SYNJ2BP: variants seen among roughly 807,000 people sequenced by gnomAD.
The protein encoded by SYNJ2BP is synaptojanin 2 binding protein.
In SYNJ2BP, 10 loss-of-function variants were observed where a neutral mutation model predicts 16.9. The ratio of observed to expected loss-of-function variants is 0.59; its 90% CI spans 0.36 to 1.00. SYNJ2BP has a LOEUF of 1.00. Among genes scored for constraint, SYNJ2BP ranks in the 50% least tolerant of loss-of-function variants. SYNJ2BP has a pLI of 0.01. For synonymous variants in SYNJ2BP, 54 were observed against 68.4 expected (o/e 0.79, Z 1.04); for missense variants, 162 against 186.7 (o/e 0.87, Z 0.77).
intron 2 of SYNJ2BP, among the ~76,000 whole-genome samples, chr14:70,381,324 C>T (rs78414931): frequency 0.022 from 3,381 of 152,266 alleles, 108 homozygotes; most frequent in African/African-American, 0.076. Flanking sequence ...ATTTAAGAGA[C>T]GTTATTCTAA....
intron 1 of SYNJ2BP, among the ~76,000 whole-genome samples, chr14:70,402,697 T>C (rs1888266369): frequency 6.6e-6 from 1 of 151,622 alleles, no homozygotes; most frequent in Non-Finnish European, 1.5e-5. Context: ...ATTTTTAAAA[T>C]ATATATCTAT....
At chr14:70,398,300 G>C (rs1046751219) in intron 1 of SYNJ2BP, among the ~76,000 whole-genome samples, 23 of 152,144 alleles carry the variant, frequency 1.5e-4, no homozygotes, top group Non-Finnish European at 5.9e-5. Context: ...GGCCCACCTT[G>C]GCCTGAAGGT....
chr14:70,416,497 GCATT>G (rs1414405172), intron 1 of SYNJ2BP, among the ~76,000 whole-genome samples: 1 of 151,934 alleles, frequency 6.6e-6, no homozygotes, highest in Non-Finnish European at 1.5e-5. Context: ...AAACGGCTAT[GCATT>G]CAGAGTCCAC....
intron 1 of SYNJ2BP, among the ~76,000 whole-genome samples, chr14:70,404,206 C>T (rs1029431414): frequency 5.9e-5 from 9 of 151,736 alleles, no homozygotes; most frequent in Admixed American, 3.9e-4. Flanking sequence ...CATGGTGGTG[C>T]ACTACTGTAG....
At chr14:70,397,724 G>A (rs1462466805) in intron 1 of SYNJ2BP, among the ~76,000 whole-genome samples, 6 of 152,238 alleles carry the variant, frequency 3.9e-5, no homozygotes, top group Non-Finnish European at 5.9e-5. Context: ...AAGGGTTGCA[G>A]CTCTTCTCTC....
intron 2 of SYNJ2BP, among the ~76,000 whole-genome samples, chr14:70,378,634 T>C (rs1292999085): frequency 6.6e-6 from 1 of 152,082 alleles, no homozygotes; most frequent in Non-Finnish European, 1.5e-5. Context: ...CTCTCTGCTG[T>C]CAACTTTCAT....
At chr14:70,374,597 G>T (rs754639161) in intron 3 of SYNJ2BP, among the ~76,000 whole-genome samples, 6 of 152,046 alleles carry the variant, frequency 3.9e-5, no homozygotes, top group Non-Finnish European at 5.9e-5. Context: ...TAAAACACTT[G>T]GAAATAAGAA....
At chr14:70,396,662 A>C (rs938376804) in intron 1 of SYNJ2BP, among the ~76,000 whole-genome samples, 3 of 151,658 alleles carry the variant, frequency 2.0e-5, no homozygotes, top group African/African-American at 7.3e-5. Context: ...GTATGTATGT[A>C]AAATAGTCAT....
At chr14:70,391,531 C>G (rs1221047507) in intron 1 of SYNJ2BP, among the ~76,000 whole-genome samples, 3 of 152,166 alleles carry the variant, frequency 2.0e-5, no homozygotes, top group African/African-American at 7.2e-5. Flanking sequence ...ACAAGGGGGC[C>G]AAGGCCAACC....
chr14:70,371,111 G>C lies in SYNJ2BP; in HGVS notation c.*1880C>G, dbSNP rs371789738. 6.6e-6 allele frequency: 1 copy of C among 152,098 alleles called. No individual in the cohort carries two copies. Among genetic ancestry groups the C allele is most frequent in the Non-Finnish European group, 1.5e-5 (1 of 68,028 alleles). The allele number at this position is 152,098 out of a possible 1,614,324, so 9.4% of individuals were successfully genotyped here. A position where few individuals can be genotyped will look rare whatever the true frequency, so the allele number is the denominator to read the frequency against. Reference sequence around the variant, plus strand: ...AATCTTGCTAACAAAATTATAAAAGGCCTATAGTATGGCCAATATATTTGG... The same window carrying C: ...AATCTTGCTAACAAAATTATAAAAGCCCTATAGTATGGCCAATATATTTGG... On this transcript the variant is annotated 3_prime_UTR_variant, in exon 4 of 4. Coordinates refer to ENST00000256366, the MANE Select transcript of SYNJ2BP (RefSeq NM_018373.3).
At chr14:70,405,675 T>C (rs1888330941) in intron 1 of SYNJ2BP, among the ~76,000 whole-genome samples, 1 of 152,152 alleles carries the variant, frequency 6.6e-6, no homozygotes, top group African/African-American at 2.4e-5. Context: ...TCAAAGCTGA[T>C]TGAGATTAGA....
rs1272292701 is a variant in SYNJ2BP at position 70,369,150 on chromosome 14, T to G, written c.*3841A>C. 1 of 152,238 alleles carries G rather than the reference T, an allele frequency of 6.6e-6. No individual in the cohort carries two copies. The highest frequency in any genetic ancestry group is 6.5e-5 in the Admixed American group (1 of 15,276). 9.4% of individuals were successfully genotyped at this position (152,238 alleles called of 1,614,324 possible). On this transcript the variant is annotated 3_prime_UTR_variant, in exon 4 of 4. Coordinates refer to ENST00000256366, the MANE Select transcript of SYNJ2BP (RefSeq NM_018373.3). ...TTTTGTTTTTGAGACAAGGTCTCAC[T>G]CCGTTGCTCAGGCTAGAATGAAGTG...
intron 1 of SYNJ2BP, among the ~76,000 whole-genome samples, chr14:70,408,598 G>A (rs905045201): frequency 9.2e-5 from 14 of 151,708 alleles, no homozygotes; most frequent in South Asian, 2.1e-4. Context: ...GCTTGAACCC[G>A]GGAGGCAGAG....
chr14:70,399,496 TG>T (rs1888185901), intron 1 of SYNJ2BP, among the ~76,000 whole-genome samples: 1 of 152,164 alleles, frequency 6.6e-6, no homozygotes, highest in Non-Finnish European at 1.5e-5. Context: ...GCTCCGGACC[TG>T]GGGATGGGTC....
At chr14:70,412,743 C>T (rs1388195873) in intron 1 of SYNJ2BP, among the ~76,000 whole-genome samples, 1 of 151,898 alleles carries the variant, frequency 6.6e-6, no homozygotes, top group African/African-American at 2.4e-5. Context: ...AATAAATATT[C>T]TCTTCCCTCT....
At chr14:70,387,559 C>T (rs576816619) in intron 2 of SYNJ2BP, among the ~76,000 whole-genome samples, 9 of 152,230 alleles carry the variant, frequency 5.9e-5, no homozygotes, top group Admixed American at 4.6e-4. Flanking sequence ...AGGCCGGGCC[C>T]GGTGGCTCAC....
chr14:70,416,897 T>G lies in SYNJ2BP; in HGVS notation c.64+3A>C. The G allele has an allele frequency of 1.9e-6, 3 of 1,614,098 alleles. No individual in the cohort carries two copies. Among genetic ancestry groups the G allele is most frequent in the Non-Finnish European group, 2.5e-6 (3 of 1,179,998 alleles). On this transcript the variant is annotated splice_donor_region_variant and intron_variant, in intron 1 of 3. Coordinates refer to ENST00000256366, the MANE Select transcript of SYNJ2BP (RefSeq NM_018373.3). ...TGTCAGATATGACCCTTTCCGCACA[T>G]ACCTGAGGGCCCTCTGGTAAGATTG... is the stretch of plus-strand genomic sequence containing the variant.
rs1425572362 is a variant in SYNJ2BP at position 70,372,674 on chromosome 14, G to C, written c.*317C>G. The C allele has an allele frequency of 9.3e-6, 2 of 214,960 alleles. No homozygotes were observed. The highest frequency in any genetic ancestry group is 4.6e-5 in the African/African-American group (2 of 43,732). The allele number at this position is 214,960 out of a possible 1,614,324, so 13.3% of individuals were successfully genotyped here. A position where few individuals can be genotyped will look rare whatever the true frequency, so the allele number is the denominator to read the frequency against. On this transcript the variant is annotated 3_prime_UTR_variant, in exon 4 of 4. Coordinates refer to ENST00000256366, the MANE Select transcript of SYNJ2BP (RefSeq NM_018373.3). The stretch of plus-strand genomic sequence containing the variant: ...TTATGGCATGCCAGCTAAGAAAAAA[G>C]GTATTGCCTATGGTGACAGGAAGAC...
intron 1 of SYNJ2BP, among the ~76,000 whole-genome samples, chr14:70,415,572 AAAAG>A (rs1054871794): frequency 7.2e-5 from 11 of 151,898 alleles, no homozygotes; most frequent in African/African-American, 1.2e-4. Context: ...AAAGAAAAGA[AAAAG>A]AAAGAAAGAA....
Sources: gnomAD v4.1 joint callset for allele counts (sites outside exome capture counted in the v4.1 genomes callset) on GRCh38, gnomAD v4.1.1 for gene constraint, MANE v1.5 for transcripts, NCBI Gene and HGNC (gene_info 2026-07-23, HGNC 2026-07-21) for gene names.